The following THOC1 variants were observed in gnomAD, a reference collection of about 807,000 sequenced individuals.
THOC1 encodes THO complex 1.
Under a neutral mutation model 97.3 loss-of-function variants are expected in THOC1, and 29 were observed. The observed-to-expected ratio is 0.30, with a 90% CI of 0.22 to 0.41. THOC1 has a LOEUF of 0.41. THOC1 is among the 10% of genes least tolerant of loss of function. THOC1 has a pLI of 1.00. For synonymous variants in THOC1, 255 were observed against 257.0 expected, an observed-to-expected ratio of 0.99 and a Z score of 0.07; for missense variants, 529 against 761.9, an observed-to-expected ratio of 0.69 and a Z score of 3.60.
intron 7 of THOC1, among the ~76,000 whole-genome samples, chr18:255,801 G>C (rs552209194): frequency 2.0e-5 from 3 of 152,172 alleles, no homozygotes; most frequent in South Asian, 4.1e-4. Flanking sequence ...CTCTTGTTAG[G>C]AGCTAATGCA....
At chr18:251,070 C>T (rs1346447512) in intron 9 of THOC1, among the ~76,000 whole-genome samples, 1 of 152,216 alleles carries the variant, frequency 6.6e-6, no homozygotes, top group African/African-American at 2.4e-5. Flanking sequence ...GTGCTTTACA[C>T]TTACCACTAC....
intron 11 of THOC1, among the ~76,000 whole-genome samples, chr18:235,906 C>T (rs749911093): frequency 1.3e-5 from 2 of 152,136 alleles, no homozygotes; most frequent in African/African-American, 2.4e-5. Context: ...CAACCTGATC[C>T]ATCAGAAGCA....
chr18:224,962 C>G lies in THOC1; in HGVS notation c.1170G>C (p.Ser390=), dbSNP rs563539953. The change falls in exon 15 of 21, where the codon TCG becomes TCC. Residue 390 remains serine, a synonymous_variant. Transcript: ENST00000261600. The part of the protein sequence containing the change: ...HILNTEENWN[S]WKNEGCPSFV... ...AACTTGGGCAACCTTCATTTTTCCA[C>G]GAGTTCCAGTTTTCTTCAGTGTTTA... 2.5e-6 allele frequency: 4 copies of G among 1,575,170 alleles called. No homozygotes were observed. Among genetic ancestry groups the G allele is most frequent in the South Asian group, 2.3e-5 (2 of 86,182 alleles).
At chr18:230,582 A>T (rs1180046116) in intron 11 of THOC1, among the ~76,000 whole-genome samples, 1 of 152,260 alleles carries the variant, frequency 6.6e-6, no homozygotes, top group Non-Finnish European at 1.5e-5. Context: ...AAAACTACCT[A>T]GGCAAGATTA....
At chr18:266,240 G>A (rs1912763144) in intron 1 of THOC1, among the ~76,000 whole-genome samples, 1 of 152,188 alleles carries the variant, frequency 6.6e-6, no homozygotes, top group Admixed American at 6.5e-5. Context: ...TTACCTCACA[G>A]GAATTAGATC....
At chr18:246,258 G>A in intron 11 of THOC1, 66 bp downstream of exon 11, 1 of 1,220,990 alleles carries the variant, frequency 8.2e-7, no homozygotes, top group Non-Finnish European at 1.1e-6. Context: ...TAGAAAGGCT[G>A]TCAGCTAAAC....
At chr18:215,732 C>A in intron 19 of THOC1, 1 of 461,196 alleles carries the variant, frequency 2.2e-6, no homozygotes, top group South Asian at 3.2e-5. Flanking sequence ...CTCCCCACCC[C>A]CAATCTGGGA....
At chr18:221,502 A>G (rs978542190) in intron 17 of THOC1, among the ~76,000 whole-genome samples, 4 of 152,024 alleles carry the variant, frequency 2.6e-5, no homozygotes, top group Admixed American at 1.3e-4. Flanking sequence ...TGATATCAAT[A>G]TAACTATGCC....
rs922616657 is a variant in THOC1, at chr18:254,953, C to T, written c.521-598G>A. Reference sequence around the variant, plus strand: ...ACCTCAGCCTCCTGAGTAGCTGGGACTACAGGCAAGCACCACCATGCCTGG... The same window carrying T: ...ACCTCAGCCTCCTGAGTAGCTGGGATTACAGGCAAGCACCACCATGCCTGG... On this transcript the variant is annotated intron_variant, in intron 7 of 20. Transcript: ENST00000261600. This position sits in a 1 kb window ranked among gnomAD's most constrained non-coding sequence, Gnocchi z 4.1. 2.0e-5 allele frequency among the ~76,000 whole-genome samples: 3 copies of T among 152,082 alleles called. No individual in the cohort carries two copies. Among genetic ancestry groups the T allele is most frequent in the Admixed American group, 2.0e-4 (3 of 15,266 alleles).
At chr18:227,045 A>T in intron 11 of THOC1, 144 bp from the exon 12 acceptor site, 1 of 658,800 alleles carries the variant, frequency 1.5e-6, no homozygotes, top group Non-Finnish European at 2.6e-6. Context: ...CATGTGAGGC[A>T]TTACCGCACA....
At chr18:267,842 G>A in intron 1 of THOC1, 124 bp downstream of exon 1, 2 of 1,011,376 alleles carry the variant, frequency 2.0e-6, no homozygotes, top group Non-Finnish European at 2.8e-6. Flanking sequence ...GGGGCCCGGA[G>A]CGGACGCTGA....
At chr18:232,812 C>T (rs925912530) in intron 11 of THOC1, among the ~76,000 whole-genome samples, 1 of 152,068 alleles carries the variant, frequency 6.6e-6, no homozygotes, top group Admixed American at 6.6e-5. Flanking sequence ...CATATTTTAT[C>T]TGCACTAGAG....
chr18:216,756 T>C, intron 18 of THOC1, 123 bp from the exon 19 acceptor site: 3 of 1,293,814 alleles, frequency 2.3e-6, no homozygotes, highest in African/African-American at 1.5e-5. Context: ...TTCTTTGTAT[T>C]TGAATCTTAT....
chr18:263,849 G>T, intron 4 of THOC1, 177 bp downstream of exon 4: 2 of 571,094 alleles, frequency 3.5e-6, no homozygotes, highest in Non-Finnish European at 6.4e-6. Context: ...GCATAATAGA[G>T]ATGAGAAATA....
chr18:227,428 T>C (rs1007082070), intron 11 of THOC1, among the ~76,000 whole-genome samples: 5 of 152,140 alleles, frequency 3.3e-5, no homozygotes, highest in African/African-American at 1.2e-4. Flanking sequence ...GACCACTCAT[T>C]TTTGTAGCCC....
At chr18:256,900 C>T (rs560118437) in intron 7 of THOC1, among the ~76,000 whole-genome samples, 1 of 152,186 alleles carries the variant, frequency 6.6e-6, no homozygotes, top group South Asian at 2.1e-4. Flanking sequence ...GCCAGCCCAA[C>T]CTTCAGCAAC....
intron 9 of THOC1, among the ~76,000 whole-genome samples, chr18:248,533 C>T (rs1435940144): frequency 6.6e-6 from 1 of 152,110 alleles, no homozygotes; most frequent in African/African-American, 2.4e-5. Context: ...GTTGTTTAAA[C>T]CAATGTTAAT....
At chr18:221,242 T>C (rs1416906284) in intron 17 of THOC1, among the ~76,000 whole-genome samples, 1 of 152,178 alleles carries the variant, frequency 6.6e-6, no homozygotes, top group Non-Finnish European at 1.5e-5. Context: ...CACTAAGTTT[T>C]TTCCACCAAA....
chr18:229,486 C>A (rs1389042327), intron 11 of THOC1, among the ~76,000 whole-genome samples: 1 of 151,132 alleles, frequency 6.6e-6, no homozygotes, highest in African/African-American at 2.4e-5. Context: ...TCGAGACCAG[C>A]CTGGCCAACA....
Sources: allele counts gnomAD v4.1 joint callset (sites outside exome capture counted in the v4.1 genomes callset), GRCh38; gene constraint gnomAD v4.1.1; non-coding constraint Gnocchi (gnomAD v3.1); transcripts MANE v1.5; gene names NCBI Gene and HGNC (gene_info 2026-07-23, HGNC 2026-07-21).